The following LEKR1 variants were observed in gnomAD, a reference collection of about 807,000 sequenced individuals.
LEKR1 encodes the protein protein LEKR1.
LEKR1 carries 59 observed loss-of-function variants against 72.4 expected under a neutral mutation model. That is an observed-to-expected ratio of 0.82 (90% CI 0.66 to 1.01). LEKR1 has a LOEUF of 1.01. Ranked by LOEUF, LEKR1 falls within the 50% of genes least tolerant of loss-of-function variation. LEKR1 has a pLI of 0.00. For synonymous variants in LEKR1, 257 were observed against 263.2 expected, an observed-to-expected ratio of 0.98 and a Z score of 0.23; for missense variants, 728 against 759.2, an observed-to-expected ratio of 0.96 and a Z score of 0.48.
chr3:156,971,067 T>A (rs535719957), intron 6 of LEKR1, among the ~76,000 whole-genome samples: 1 of 152,214 alleles, frequency 6.6e-6, no homozygotes, highest in Admixed American at 6.5e-5. Flanking sequence ...GCTGGAGGCA[T>A]CACGCTACCT....
At chr3:156,998,792 A>G (rs554490302) in intron 9 of LEKR1, among the ~76,000 whole-genome samples, 1 of 152,124 alleles carries the variant, frequency 6.6e-6, no homozygotes, top group Non-Finnish European at 1.5e-5. Context: ...CCTCATCCTC[A>G]CCTGCATTAC....
intron 4 of LEKR1, among the ~76,000 whole-genome samples, chr3:156,922,953 T>G (rs1724348666): frequency 6.6e-6 from 1 of 152,206 alleles, no homozygotes; most frequent in Non-Finnish European, 1.5e-5. Context: ...TTTGTAAAGC[T>G]AGACCTTATC....
At chr3:156,884,656 C>T (rs1719861712) in intron 3 of LEKR1, among the ~76,000 whole-genome samples, 2 of 152,172 alleles carry the variant, frequency 1.3e-5, no homozygotes, top group African/African-American at 4.8e-5. Context: ...TGCTGTTAAT[C>T]TGATAGGTTT....
intron 10 of LEKR1, among the ~76,000 whole-genome samples, chr3:157,023,706 C>A (rs918718568): frequency 1.3e-5 from 2 of 152,142 alleles, no homozygotes; most frequent in African/African-American, 4.8e-5. Context: ...GTAGCAGAGC[C>A]AGGATTAAGA....
intron 3 of LEKR1, among the ~76,000 whole-genome samples, chr3:156,892,878 G>A (rs16826899): frequency 0.34 from 51,042 of 152,118 alleles, 11,210 homozygotes; most frequent in African/African-American, 0.62. Context: ...GCACAGTTTG[G>A]TGGTCAGCTT....
intron 10 of LEKR1, among the ~76,000 whole-genome samples, chr3:157,023,705 C>A (rs760267865): frequency 7.2e-5 from 11 of 152,098 alleles, no homozygotes; most frequent in Non-Finnish European, 1.5e-4. Flanking sequence ...AGTAGCAGAG[C>A]CAGGATTAAG....
At chr3:156,941,493 A>T (rs1358599422) in intron 5 of LEKR1, among the ~76,000 whole-genome samples, 2 of 151,892 alleles carry the variant, frequency 1.3e-5, no homozygotes, top group African/African-American at 4.8e-5. Flanking sequence ...ATGTATCTCT[A>T]CTTGTGGTCT....
intron 9 of LEKR1, among the ~76,000 whole-genome samples, chr3:156,995,519 C>A (rs539541807): frequency 6.6e-6 from 1 of 152,238 alleles, no homozygotes; most frequent in South Asian, 2.1e-4. Flanking sequence ...AGTTTACAGA[C>A]ATGATGTCTG....
At chr3:156,841,492 G>A (rs1713899806) in intron 2 of LEKR1, among the ~76,000 whole-genome samples, 1 of 152,184 alleles carries the variant, frequency 6.6e-6, no homozygotes, top group African/African-American at 2.4e-5. Context: ...GCAGTACAGA[G>A]AAGTGGGGAC....
chr3:157,032,363 A>T (rs1459298319), intron 12 of LEKR1, among the ~76,000 whole-genome samples: 1 of 152,230 alleles, frequency 6.6e-6, no homozygotes, highest in Non-Finnish European at 1.5e-5. Flanking sequence ...GAGCCAAAAG[A>T]GCAGTAGTTT....
chr3:156,829,942 A>C (rs1712150226), intron 2 of LEKR1, among the ~76,000 whole-genome samples: 1 of 152,232 alleles, frequency 6.6e-6, no homozygotes, highest in Non-Finnish European at 1.5e-5. Flanking sequence ...TGAATGCATA[A>C]AATGTATGTA....
chr3:156,982,664 G>A (rs1483295808), intron 7 of LEKR1, among the ~76,000 whole-genome samples: 1 of 152,096 alleles, frequency 6.6e-6, no homozygotes, highest in African/African-American at 2.4e-5. Context: ...GATGCTCTGA[G>A]AGCTTGATGA....
chr3:156,935,897 A>G (rs952611248), intron 5 of LEKR1, among the ~76,000 whole-genome samples: 2 of 152,204 alleles, frequency 1.3e-5, no homozygotes, highest in African/African-American at 4.8e-5. Flanking sequence ...GGTTTGCATT[A>G]TACATATTTC....
intron 6 of LEKR1, among the ~76,000 whole-genome samples, chr3:156,962,835 T>C (rs1475082187): frequency 6.6e-6 from 1 of 152,182 alleles, no homozygotes; most frequent in Non-Finnish European, 1.5e-5. Flanking sequence ...ATTTGTGCCA[T>C]TGCAACCTTC....
chr3:157,037,728 T>C (rs1735066863), intron 12 of LEKR1, among the ~76,000 whole-genome samples: 1 of 152,190 alleles, frequency 6.6e-6, no homozygotes, highest in Admixed American at 6.5e-5. Flanking sequence ...GTTGTTTTTA[T>C]AGATGCTAAG....
At chr3:156,949,869 T>G (rs1352047821) in intron 6 of LEKR1, among the ~76,000 whole-genome samples, 2 of 151,310 alleles carry the variant, frequency 1.3e-5, no homozygotes, top group Non-Finnish European at 3.0e-5. Context: ...TTTGTCAGAT[T>G]GTGGTTACAG....
At chr3:156,895,747 T>G (rs1721116193) in intron 3 of LEKR1, among the ~76,000 whole-genome samples, 1 of 152,132 alleles carries the variant, frequency 6.6e-6, no homozygotes, top group African/African-American at 2.4e-5. Flanking sequence ...AAGGAATGCT[T>G]TTACACTGGG....
intron 6 of LEKR1, among the ~76,000 whole-genome samples, chr3:156,973,432 A>ATG (rs1358716252): frequency 2.0e-5 from 3 of 152,120 alleles, no homozygotes; most frequent in Non-Finnish European, 4.4e-5. Flanking sequence ...TTGGGAGATA[A>ATG]TGCAGCTAGA....
Position 156,892,914 on chromosome 3 carries a change from G to A in LEKR1, c.264-27661G>A, listed in dbSNP as rs186215521. ...GTTTGTAGGCCTCAGGCCTACTCATGATAACTTCCTGTTTGCAATGAAGGA... is the reference window on the plus strand; with the variant it reads ...GTTTGTAGGCCTCAGGCCTACTCATAATAACTTCCTGTTTGCAATGAAGGA... On this transcript the variant is annotated intron_variant, in intron 3 of 12. Transcript: ENST00000356539. 2.3e-3 allele frequency among the ~76,000 whole-genome samples: 343 copies of A among 152,316 alleles called. 2 individuals carry two copies. The highest frequency in any genetic ancestry group is 7.9e-3 in the African/African-American group (327 of 41,578).
Sources: gnomAD v4.1 joint callset for allele counts (sites outside exome capture counted in the v4.1 genomes callset) on GRCh38, gnomAD v4.1.1 for gene constraint, MANE v1.5 for transcripts, NCBI Gene and HGNC (gene_info 2026-07-23, HGNC 2026-07-21) for gene names.